PTN: variants seen among roughly 807,000 people sequenced by gnomAD.
PTN encodes the protein pleiotrophin.
PTN carries 18 observed loss-of-function variants against 24.1 expected under a neutral mutation model. That is an observed-to-expected ratio of 0.75 (90% CI 0.52 to 1.11). The LOEUF (loss-of-function observed/expected upper bound fraction) is 1.11. Ranked by LOEUF, PTN falls within the 50% of genes least tolerant of loss-of-function variation. The pLI is 0.00. For synonymous variants in PTN, 78 were observed against 68.6 expected, an observed-to-expected ratio of 1.14 and a Z score of -0.67; for missense variants, 163 against 198.8, an observed-to-expected ratio of 0.82 and a Z score of 1.08.
chr7:137,269,838 G>A (rs1344410586), intron 1 of PTN, among the ~76,000 whole-genome samples: 2 of 151,698 alleles, frequency 1.3e-5, no homozygotes, highest in Non-Finnish European at 2.9e-5. Flanking sequence ...TCACCATGTT[G>A]GCCAGGGTGG....
intron 4 of PTN, among the ~76,000 whole-genome samples, chr7:137,245,792 C>G (rs62487105): frequency 0.17 from 26,515 of 151,862 alleles, 2,730 homozygotes; most frequent in African/African-American, 0.29. Context: ...CTAGGCTAAT[C>G]TGTGTGTGTC....
Position 137,236,348 on chromosome 7 carries a change from A to C in PTN, c.452-8273T>G, listed in dbSNP as rs1048920311. On this transcript the variant is annotated intron_variant, in intron 4 of 4. Transcript: ENST00000348225. ...AGTCAGGGGTGGGGGAATCAGCCAC[A>C]CATGAGCGTGTTGGGATCAGTCCCT... 8 of 688,722 alleles carry C rather than the reference A, an allele frequency of 1.2e-5. No homozygotes were observed. The African/African-American group carries it at 1.4e-4, about 12-fold the overall frequency. 42.7% of individuals were successfully genotyped at this position (688,722 alleles called of 1,614,324 possible).
intron 1 of PTN, among the ~76,000 whole-genome samples, chr7:137,282,623 T>C (rs1183837120): frequency 6.6e-6 from 1 of 151,882 alleles, no homozygotes; most frequent in African/African-American, 2.4e-5. Context: ...AACAAGAAAA[T>C]ACCAACAGTT....
chr7:137,328,521 G>A (rs1012924773), intron 1 of PTN, among the ~76,000 whole-genome samples: 30 of 152,126 alleles, frequency 2.0e-4, no homozygotes, highest in African/African-American at 6.0e-4. Flanking sequence ...CCTATTGTAT[G>A]TTCAGCTGCA....
chr7:137,309,203 C>A (rs1809939159), intron 1 of PTN, among the ~76,000 whole-genome samples: 1 of 152,186 alleles, frequency 6.6e-6, no homozygotes, highest in African/African-American at 2.4e-5. Flanking sequence ...CCAGTGCATA[C>A]AAAATTTATG....
At chr7:137,294,256 C>T (rs748292152) in intron 1 of PTN, among the ~76,000 whole-genome samples, 4 of 152,060 alleles carry the variant, frequency 2.6e-5, no homozygotes, top group Non-Finnish European at 5.9e-5. Context: ...ATACAGTCTG[C>T]TTAGGTCCTT....
intron 4 of PTN, among the ~76,000 whole-genome samples, chr7:137,238,335 A>C (rs191942137): frequency 6.6e-6 from 1 of 152,274 alleles, no homozygotes; most frequent in African/African-American, 2.4e-5. Flanking sequence ...CTCTGGGTTA[A>C]CAAGTCACCT....
At chr7:137,321,184 C>A (rs1421476498) in intron 1 of PTN, among the ~76,000 whole-genome samples, 1 of 152,154 alleles carries the variant, frequency 6.6e-6, no homozygotes, top group Non-Finnish European at 1.5e-5. Flanking sequence ...CAAGCAAAGA[C>A]CCTGCATGTT....
intron 1 of PTN, among the ~76,000 whole-genome samples, chr7:137,287,352 A>T (rs909511799): frequency 2.0e-5 from 3 of 152,168 alleles, no homozygotes; most frequent in Admixed American, 6.5e-5. Flanking sequence ...AAACCTGATC[A>T]CTATGTGTAT....
At chr7:137,305,869 A>G (rs915629513) in intron 1 of PTN, among the ~76,000 whole-genome samples, 3 of 152,134 alleles carry the variant, frequency 2.0e-5, no homozygotes, top group Non-Finnish European at 4.4e-5. Flanking sequence ...TAAGTGTGGA[A>G]GAATTCCTCA....
chr7:137,333,341 T>C (rs1810391995), intron 1 of PTN, among the ~76,000 whole-genome samples: 1 of 152,194 alleles, frequency 6.6e-6, no homozygotes, highest in African/African-American at 2.4e-5. Flanking sequence ...CCTCAGGTAT[T>C]CCTTTATAGC....
intron 1 of PTN, among the ~76,000 whole-genome samples, chr7:137,341,555 G>C (rs79506576): frequency 3.3e-5 from 5 of 152,012 alleles, no homozygotes; most frequent in Non-Finnish European, 7.4e-5. Flanking sequence ...CTCATTTAAA[G>C]TCAGATAATT....
intron 4 of PTN, among the ~76,000 whole-genome samples, chr7:137,231,937 G>T (rs1324964870): frequency 6.6e-6 from 1 of 151,918 alleles, no homozygotes; most frequent in Non-Finnish European, 1.5e-5. Context: ...TTTACTATGA[G>T]ATGTGGGTCA....
At chr7:137,330,851 C>G (rs1810345332) in intron 1 of PTN, among the ~76,000 whole-genome samples, 1 of 152,156 alleles carries the variant, frequency 6.6e-6, no homozygotes, top group Non-Finnish European at 1.5e-5. Flanking sequence ...ATGTGGAAAA[C>G]AAAGAAGGCA....
rs115786728 is a variant in PTN, at chr7:137,251,463, C to T, written c.290-72G>A. 635 of 1,505,028 alleles carry T rather than the reference C, an allele frequency of 4.2e-4. 1 individual carries two copies. In the African/African-American group the frequency reaches 6.1e-3, roughly 15 times the overall value. The allele number at this position is 1,505,028 out of a possible 1,614,324, so 93.2% of individuals were successfully genotyped here. On this transcript the variant is annotated intron_variant, in intron 3 of 4. Coordinates refer to ENST00000348225, the MANE Select transcript of PTN (RefSeq NM_002825.7). ...GTACTTCCAGGATAATAAAGGCACA[C>T]TTTTGTTTGTAACTTTTTTATTGAA...
At chr7:137,235,737 C>T (rs1269403641) in intron 4 of PTN, among the ~76,000 whole-genome samples, 1 of 152,154 alleles carries the variant, frequency 6.6e-6, no homozygotes, top group East Asian at 1.9e-4. Context: ...GCTTCATCCA[C>T]ACCTCTTCTT....
At chr7:137,330,635 T>A (rs1810342323) in intron 1 of PTN, among the ~76,000 whole-genome samples, 4 of 152,154 alleles carry the variant, frequency 2.6e-5, no homozygotes, top group Admixed American at 2.6e-4. Context: ...AGAGTTGGCT[T>A]CAGGGACCAG....
At chr7:137,285,295 T>C (rs1279748104) in intron 1 of PTN, among the ~76,000 whole-genome samples, 1 of 152,196 alleles carries the variant, frequency 6.6e-6, no homozygotes, top group African/African-American at 2.4e-5. Context: ...CTGATGTGAC[T>C]ATGAAGCCGG....
chr7:137,287,872 T>C (rs1809581858), intron 1 of PTN: 1 of 152,182 alleles, frequency 6.6e-6, no homozygotes, highest in Non-Finnish European at 1.5e-5. Context: ...TTATTTTCTT[T>C]AGTAATGTTT....
Sources: gnomAD v4.1 joint callset for allele counts (sites outside exome capture counted in the v4.1 genomes callset) on GRCh38, gnomAD v4.1.1 for gene constraint, MANE v1.5 for transcripts, NCBI Gene and HGNC (gene_info 2026-07-23, HGNC 2026-07-21) for gene names.